Variants in DET1 observed in about 807,000 individuals in gnomAD.
DET1 encodes DET1 partner of COP1 E3 ubiquitin ligase, also known as DET1 homolog.
Under a neutral mutation model 43.7 loss-of-function variants are expected in DET1, and 22 were observed. That is an observed-to-expected ratio of 0.50 (90% CI 0.36 to 0.72). DET1 has a LOEUF of 0.72. Among genes scored for constraint, DET1 ranks in the 30% least tolerant of loss-of-function variants. DET1 has a pLI of 0.00. For missense variants in DET1, 713 were observed against 713.3 expected, an observed-to-expected ratio of 1.00 and a Z score of 0.00; for synonymous variants, 315 against 266.2, an observed-to-expected ratio of 1.18 and a Z score of -1.79.
downstream of DET1, among the ~76,000 whole-genome samples, chr15:88,510,922 C>T (rs573547132): frequency 3.3e-5 from 5 of 151,766 alleles, no homozygotes; most frequent in Admixed American, 1.3e-4. Flanking sequence ...TACTGGCGCC[C>T]GCCACCACGT....
intron 1 of DET1, among the ~76,000 whole-genome samples, chr15:88,535,159 T>C (rs114624557): frequency 0.011 from 1,680 of 152,290 alleles, 35 homozygotes; most frequent in African/African-American, 0.038. Flanking sequence ...ATAACCAGCA[T>C]ACAAAACTCT....
At chr15:88,509,188 G>T (rs79429958), downstream of DET1, among the ~76,000 whole-genome samples, 1,785 of 152,272 alleles carry the variant, frequency 0.012, 22 homozygotes, top group Non-Finnish European at 0.02. Flanking sequence ...AATAAAAAGG[G>T]TGTCGCTCTG....
At chr15:88,532,620 G>T (rs1259909183) in intron 1 of DET1, among the ~76,000 whole-genome samples, 1 of 152,212 alleles carries the variant, frequency 6.6e-6, no homozygotes, top group African/African-American at 2.4e-5. Flanking sequence ...CCAATGAAAT[G>T]GCCCACAGAT....
chr15:88,522,247 C>A (rs1462762326), intron 3 of DET1, among the ~76,000 whole-genome samples: 1 of 152,204 alleles, frequency 6.6e-6, no homozygotes, highest in Non-Finnish European at 1.5e-5. Flanking sequence ...AGCTCCAGAA[C>A]TGGATGGTCC....
intron 4 of DET1, among the ~76,000 whole-genome samples, 163 bp from the exon 5 acceptor site, chr15:88,513,303 C>G (rs780407168): frequency 6.6e-6 from 1 of 152,158 alleles, no homozygotes; most frequent in Non-Finnish European, 1.5e-5. Context: ...TAAAATCACC[C>G]TGGAATGACC....
downstream of DET1, chr15:88,511,386 A>G (rs868748456): frequency 6.4e-5 from 61 of 948,700 alleles, no homozygotes; most frequent in African/African-American, 9.7e-4. Context: ...CACATTTCCC[A>G]TCTCCCTCAC....
chr15:88,533,263 CT>C (rs1296659990), intron 1 of DET1, among the ~76,000 whole-genome samples: 1 of 151,974 alleles, frequency 6.6e-6, no homozygotes, highest in Non-Finnish European at 1.5e-5. Flanking sequence ...AGAACGACTG[CT>C]TTTTTTAAAA....
intron 1 of DET1, chr15:88,536,523 T>C: frequency 2.0e-6 from 1 of 512,478 alleles, no homozygotes; most frequent in South Asian, 2.7e-5. Context: ...CTCACGCCTG[T>C]AATACCAGCA....
chr15:88,527,922 AG>A (rs2142299729), intron 2 of DET1, 136 bp from the exon 3 acceptor site: 29 of 579,126 alleles, frequency 5.0e-5, no homozygotes, highest in Non-Finnish European at 6.6e-5. Flanking sequence ...AACAACAACA[AG>A]CAAACACCTC....
At chr15:88,510,943 T>G (rs2056193630), downstream of DET1, among the ~76,000 whole-genome samples, 1 of 151,912 alleles carries the variant, frequency 6.6e-6, no homozygotes, top group Non-Finnish European at 1.5e-5. Flanking sequence ...CCCGCTAATT[T>G]TTTTATTTAT....
chr15:88,535,704 T>C (rs767245455), intron 1 of DET1, among the ~76,000 whole-genome samples: 8 of 151,468 alleles, frequency 5.3e-5, no homozygotes, highest in Non-Finnish European at 7.4e-5. Flanking sequence ...TGAAGTGAGC[T>C]GAGATCATGC....
chr15:88,531,135 A>G lies in DET1; in HGVS notation c.571T>C (p.Tyr191His), dbSNP rs376861865. 5 of 1,613,976 alleles carry G rather than the reference A, an allele frequency of 3.1e-6. No individual in the cohort carries two copies. The highest frequency in any genetic ancestry group is 4.2e-6 in the Non-Finnish European group (5 of 1,179,890). ...TPNPRSPLED[Y>H]SLHIIDLHTG... is the part of the protein sequence containing the mutation. ...TGAAGGTCAATGATATGGAGGGAAT[A>G]GTCTTCTAGAGGGGACCGTGGGTTG... The change falls in exon 2 of 5, where the codon TAT becomes CAT. Residue 191 changes from tyrosine (Y) to histidine (H), a missense_variant. Physicochemically the swap from Tyr to His is moderately conservative, Grantham distance 83 (BLOSUM62 2). Transcript: ENST00000268148. The surrounding 1 kb of genome is among the most constrained non-coding windows in gnomAD (Gnocchi z 6.2).
At chr15:88,523,311 C>A (rs762967725) in intron 3 of DET1, among the ~76,000 whole-genome samples, 39 of 152,074 alleles carry the variant, frequency 2.6e-4, no homozygotes, top group South Asian at 1.2e-3. Context: ...ATAAGGGTCC[C>A]AATTTCATTG....
At chr15:88,502,641 G>A (rs964148746) in intron 8 of DET1, 2 of 152,242 alleles carry the variant, frequency 1.3e-5, no homozygotes, top group Non-Finnish European at 1.5e-5. Flanking sequence ...TGCAGGAGGT[G>A]AAACTTCAGC....
rs77425407 is a variant in DET1, at chr15:88,543,213, C to T, written c.-11+3327G>A. 3.9e-5 allele frequency among the ~76,000 whole-genome samples: 6 copies of T among 152,288 alleles called. No homozygotes were observed. The East Asian group carries it at 1.2e-3, about 29-fold the overall frequency. On this transcript the variant is annotated intron_variant, in intron 1 of 4. Coordinates refer to ENST00000268148, the MANE Select transcript of DET1 (RefSeq NM_001144074.3). ...CTCAGACTTTAAGACCTTGGAGACA[C>T]CCAATGGCTTATTTATCTAAGAGGC...
At chr15:88,537,248 AATTAT>A (rs1477094224) in intron 1 of DET1, among the ~76,000 whole-genome samples, 16 of 152,216 alleles carry the variant, frequency 1.1e-4, no homozygotes, top group South Asian at 4.1e-4. Context: ...CGTTTATTTC[AATTAT>A]ATTGGAGTTA....
At position 88,527,755 on chromosome 15, in the gene DET1, G is replaced by A. The variant is rs201960185; in HGVS notation, c.1115C>T (p.Thr372Met). ...CTCAAACACAGCAATCACCTCTGTC[G>A]TCACCATATTGTACACCACAAAGAA... Reference protein sequence around the residue: ...ASFFVVYNMVTTEVIAVFENT... With the variant: ...ASFFVVYNMVMTEVIAVFENT... The change falls in exon 3 of 5, where the codon ACG becomes ATG. Residue 372 changes from threonine to methionine, a missense_variant. Physicochemically the swap from Thr to Met is moderately conservative, Grantham distance 81 (BLOSUM62 -1). Coordinates refer to ENST00000268148, the MANE Select transcript of DET1 (RefSeq NM_001144074.3). 2.9e-4 allele frequency: 472 copies of A among 1,611,626 alleles called. No individual in the cohort carries two copies. The highest frequency in any genetic ancestry group is 2.9e-4 in the Non-Finnish European group (343 of 1,178,778).
chr15:88,503,193 G>A (rs2056105433), intron 8 of DET1: 1 of 152,196 alleles, frequency 6.6e-6, no homozygotes, highest in South Asian at 2.1e-4. Context: ...AAGTCTGGGA[G>A]GCGGCGGTTG....
intron 1 of DET1, among the ~76,000 whole-genome samples, chr15:88,535,797 AAAAG>A (rs1397814215): frequency 2.0e-5 from 3 of 151,034 alleles, no homozygotes; most frequent in African/African-American, 7.4e-5. Flanking sequence ...GAAGGGGAAA[AAAAG>A]AAAGATGAAA....
Sources: allele counts gnomAD v4.1 joint callset (sites outside exome capture counted in the v4.1 genomes callset), GRCh38; gene constraint gnomAD v4.1.1; non-coding constraint Gnocchi (gnomAD v3.1); transcripts MANE v1.5; gene names NCBI Gene and HGNC (gene_info 2026-07-23, HGNC 2026-07-21).